SETD5: variants seen among roughly 807,000 people sequenced by gnomAD.
SETD5 encodes SET domain containing 5, also known as histone-lysine N-methyltransferase SETD5.
In SETD5, 44 loss-of-function variants were observed where a neutral mutation model predicts 153.3. The ratio of observed to expected loss-of-function variants is 0.29; its 90% CI spans 0.23 to 0.37. The LOEUF is 0.37. Ranked by LOEUF, SETD5 falls within the 10% of genes least tolerant of loss-of-function variation. The probability of loss-of-function intolerance (pLI) is 1.00; values close to 1 mark genes in which losing one functional copy is unlikely to be tolerated. For synonymous variants in SETD5, 716 were observed against 645.2 expected (o/e 1.11, Z -1.66); for missense variants, 1,544 against 1,768.0 (o/e 0.87, Z 2.27).
rs1278359971 is a variant in SETD5 at position 9,455,286 on chromosome 3, A to T, written c.2476+1418A>T. On this transcript the variant is annotated intron_variant, in intron 17 of 22. Coordinates refer to ENST00000402198, the MANE Select transcript of SETD5 (RefSeq NM_001080517.3). ...TCACCCGGCAAATTTTTATATTTTG[A>T]GTAGAGACGGGGTTTCACCATGTTG... 5.0e-5 allele frequency among the ~76,000 whole-genome samples: 7 copies of T among 140,254 alleles called. No individual in the cohort carries two copies. The Admixed American group carries it at 5.4e-4, about 11-fold the overall frequency. 92.0% of individuals were successfully genotyped at this position (140,254 alleles called of 152,430 possible).
intron 1 of SETD5, among the ~76,000 whole-genome samples, chr3:9,418,647 A>G (rs1277543409): frequency 6.6e-6 from 1 of 151,892 alleles, no homozygotes; most frequent in Non-Finnish European, 1.5e-5. Flanking sequence ...TACTAAAAAT[A>G]CAATAATCAG....
intron 17 of SETD5, among the ~76,000 whole-genome samples, chr3:9,462,764 A>G (rs930226328): frequency 1.1e-4 from 17 of 152,150 alleles, no homozygotes; most frequent in Non-Finnish European, 2.2e-4. Context: ...GAATGTAGAT[A>G]TATGGGAGCA....
intron 1 of SETD5, among the ~76,000 whole-genome samples, chr3:9,402,947 A>C (rs746679326): frequency 6.6e-6 from 1 of 152,182 alleles, no homozygotes; most frequent in Non-Finnish European, 1.5e-5. Flanking sequence ...CCAGCTGCTT[A>C]TGTCAGACTG....
At chr3:9,429,293 G>C in intron 3 of SETD5, 1 of 232,920 alleles carries the variant, frequency 4.3e-6, no homozygotes, top group South Asian at 5.9e-5. Flanking sequence ...GAGAAAATTG[G>C]AATAAAGTAG....
At position 9,464,455 on chromosome 3, in the gene SETD5, C is replaced by T; in HGVS notation, c.2507C>T (p.Ser836Phe). ...TTGAGCCCATTAAAGAAATGGAAGTCTCGCTATCTGATGGAGCAGAATGTC... is the reference window on the plus strand; with the variant it reads ...TTGAGCCCATTAAAGAAATGGAAGTTTCGCTATCTGATGGAGCAGAATGTC... The part of the protein sequence containing the change: ...DLLSPLKKWK[S>F]RYLMEQNVTK... The change falls in exon 18 of 23, where the codon TCT becomes TTT. Residue 836 changes from serine to phenylalanine, a missense_variant. Around this residue, in one of 9 missense-constraint regions of SETD5, gnomAD observed 782 missense variants for 787.2 expected, o/e 0.99. Transcript: ENST00000402198. The T allele has an allele frequency of 6.2e-7, 1 of 1,612,822 alleles. No homozygotes were observed. The highest frequency in any genetic ancestry group is 8.5e-7 in the Non-Finnish European group (1 of 1,178,860).
At chr3:9,443,993 C>G (rs1465470879) in intron 11 of SETD5, among the ~76,000 whole-genome samples, 1 of 152,170 alleles carries the variant, frequency 6.6e-6, no homozygotes, top group African/African-American at 2.4e-5. Flanking sequence ...ACCTGAGAGG[C>G]TGAGGCTGCA....
intron 1 of SETD5, among the ~76,000 whole-genome samples, chr3:9,399,232 G>A (rs1333759548): frequency 6.6e-6 from 1 of 152,246 alleles, no homozygotes; most frequent in African/African-American, 2.4e-5. Flanking sequence ...ATCCAGCTGA[G>A]TGGAGTGTGC....
At chr3:9,475,311 T>C (rs1268512534) in intron 22 of SETD5, 155 bp downstream of exon 22, 3 of 1,137,652 alleles carry the variant, frequency 2.6e-6, no homozygotes, top group African/African-American at 1.6e-5. Context: ...TAATAAATTA[T>C]GCCAGAAGAT....
intron 15 of SETD5, 87 bp downstream of exon 15, chr3:9,448,093 T>C: frequency 7.5e-7 from 1 of 1,340,918 alleles, no homozygotes; most frequent in Non-Finnish European, 1.0e-6. Context: ...TAGAAGAAAC[T>C]AATCTCAATA....
chr3:9,438,095 C>G (rs2040806156), intron 7 of SETD5, among the ~76,000 whole-genome samples: 1 of 152,140 alleles, frequency 6.6e-6, no homozygotes. Context: ...TTACAGGTAG[C>G]ACTTTACCTA....
At chr3:9,426,696 A>G (rs902641817) in intron 2 of SETD5, among the ~76,000 whole-genome samples, 3 of 151,736 alleles carry the variant, frequency 2.0e-5, no homozygotes, top group African/African-American at 7.3e-5. Flanking sequence ...CCTGGCGCAC[A>G]CCAGGTAAAT....
At chr3:9,432,541 T>C (rs951278264) in intron 3 of SETD5, among the ~76,000 whole-genome samples, 1 of 152,214 alleles carries the variant, frequency 6.6e-6, no homozygotes, top group Non-Finnish European at 1.5e-5. Flanking sequence ...CATCGGAGTT[T>C]CTAATTTGTG....
chr3:9,422,885 G>A (rs1031696738), intron 1 of SETD5, among the ~76,000 whole-genome samples: 3 of 152,142 alleles, frequency 2.0e-5, no homozygotes, highest in Non-Finnish European at 4.4e-5. Context: ...TGGGAGAATG[G>A]CCAAGGTCCA....
chr3:9,414,198 T>C (rs367922332), intron 1 of SETD5, among the ~76,000 whole-genome samples: 1 of 152,338 alleles, frequency 6.6e-6, no homozygotes, highest in African/African-American at 2.4e-5. Context: ...AAAGTAGTTA[T>C]GCCTAGGATG....
intron 1 of SETD5, among the ~76,000 whole-genome samples, chr3:9,410,760 TA>T (rs1190073023): frequency 6.6e-6 from 1 of 152,202 alleles, no homozygotes; most frequent in Non-Finnish European, 1.5e-5. Context: ...CACTAACTAA[TA>T]TTTTTACACT....
At chr3:9,401,984 C>T (rs2034855237) in intron 1 of SETD5, among the ~76,000 whole-genome samples, 1 of 152,080 alleles carries the variant, frequency 6.6e-6, no homozygotes, top group Non-Finnish European at 1.5e-5. Flanking sequence ...GTAGTGTACC[C>T]GTGATGGGCA....
At chr3:9,464,700 C>G in intron 18 of SETD5, 28 bp downstream of exon 18, 1 of 1,613,894 alleles carries the variant, frequency 6.2e-7, no homozygotes, top group Non-Finnish European at 8.5e-7. Context: ...GCTGGGAGTG[C>G]TGGATATGAA....
intron 1 of SETD5, among the ~76,000 whole-genome samples, chr3:9,412,779 A>G (rs931990378): frequency 6.6e-6 from 1 of 151,762 alleles, no homozygotes; most frequent in Non-Finnish European, 1.5e-5. Flanking sequence ...GGATGAAATG[A>G]AATGTTATCT....
chr3:9,451,880 T>C (rs1040406225), intron 16 of SETD5, among the ~76,000 whole-genome samples: 1 of 152,222 alleles, frequency 6.6e-6, no homozygotes, highest in Non-Finnish European at 1.5e-5. Context: ...TGCAATATAT[T>C]TTAATAGAGG....
Sources: gnomAD v4.1 joint callset for allele counts (sites outside exome capture counted in the v4.1 genomes callset) on GRCh38, gnomAD v4.1.1 for gene constraint, gnomAD v4.1.1 regional missense constraint, MANE v1.5 for transcripts, NCBI Gene and HGNC (gene_info 2026-07-23, HGNC 2026-07-21) for gene names.